The following PLB1 variants were observed in gnomAD, a reference collection of about 807,000 sequenced individuals.
PLB1 encodes phospholipase B1, membrane-associated.
A neutral mutation model predicts 227.4 loss-of-function variants in PLB1; 242 were observed. The observed-to-expected ratio is 1.06, with a 90% confidence interval of 0.96 to 1.18. The LOEUF (loss-of-function observed/expected upper bound fraction) is 1.18. Among genes scored for constraint, PLB1 ranks in the 50% most tolerant of loss-of-function variants. The pLI is 0.00. For missense variants in PLB1, 1,858 were observed against 1,816.3 expected (o/e 1.02, Z -0.42); for synonymous variants, 757 against 682.2 (o/e 1.11, Z -1.71).
At chr2:28,595,517 G>A (rs979826267) in intron 33 of PLB1, 5 of 152,152 alleles carry the variant, frequency 3.3e-5, no homozygotes, top group African/African-American at 7.2e-5. Flanking sequence ...GGGAATTCAT[G>A]TGTGTATTAG....
chr2:28,630,805 C>A, intron 54 of PLB1, 141 bp downstream of exon 54: 1 of 652,592 alleles, frequency 1.5e-6, no homozygotes, highest in Non-Finnish European at 2.6e-6. Flanking sequence ...AAATACTTAC[C>A]CCTGCAAATT....
chr2:28,618,479 T>C, intron 46 of PLB1, 80 bp downstream of exon 46: 1 of 1,436,736 alleles, frequency 7.0e-7, no homozygotes, highest in Non-Finnish European at 9.8e-7. Flanking sequence ...TCCCCAGCAT[T>C]GGCTCCGCTT....
At chr2:28,638,144 G>A (rs764730824) in intron 56 of PLB1, among the ~76,000 whole-genome samples, 2 of 151,766 alleles carry the variant, frequency 1.3e-5, no homozygotes, top group Non-Finnish European at 2.9e-5. Context: ...AGGATAGTAG[G>A]GAAAAGACAG....
At chr2:28,518,625 T>C in intron 3 of PLB1, 93 bp downstream of exon 3, 2 of 912,504 alleles carry the variant, frequency 2.2e-6, no homozygotes, top group Non-Finnish European at 3.5e-6. Context: ...TTGGACCTGT[T>C]GCCCCTTCAA....
intron 44 of PLB1, among the ~76,000 whole-genome samples, chr2:28,615,356 T>C (rs1018980584): frequency 1.1e-4 from 17 of 152,172 alleles, no homozygotes; most frequent in Non-Finnish European, 2.9e-5. Flanking sequence ...GCATTGGCGG[T>C]CTCAGGAGAG....
intron 20 of PLB1, among the ~76,000 whole-genome samples, chr2:28,568,297 C>T (rs1396403048): frequency 1.3e-5 from 2 of 152,198 alleles, no homozygotes; most frequent in East Asian, 1.9e-4. Flanking sequence ...CTTTACTTCC[C>T]ATGCTCGTAT....
At chr2:28,584,523 C>G (rs532726393) in intron 25 of PLB1, among the ~76,000 whole-genome samples, 20 of 152,354 alleles carry the variant, frequency 1.3e-4, no homozygotes, top group African/African-American at 4.8e-4. Context: ...CCTCTTGCTA[C>G]CCATCTTGGC....
At position 28,620,362 on chromosome 2, in the gene PLB1, G is replaced by A. The variant is rs778619691; in HGVS notation, c.3383+30G>A. ...GGATGTTCTTGATGCATGCTCTATT[G>A]ATGATGCTCTCTCAGAGAGGTGTGA... On this transcript the variant is annotated intron_variant, in intron 47 of 57. Transcript: ENST00000327757. 4.5e-6 allele frequency: 7 copies of A among 1,558,352 alleles called. No homozygotes were observed. The East Asian group carries it at 1.6e-4, about 35-fold the overall frequency.
At position 28,614,021 on chromosome 2, in the gene PLB1, T is replaced by A; in HGVS notation, c.3130-10T>A. The stretch of plus-strand genomic sequence containing the variant: ...CAGATAACTTCTCCATGTGTTTTTT[T>A]TTCTCTTAGAATGAGCCCTTCCTGA... On this transcript the variant is annotated splice_polypyrimidine_tract_variant and intron_variant, in intron 43 of 57. Transcript: ENST00000327757. 1 of 1,608,128 alleles carries A rather than the reference T, an allele frequency of 6.2e-7. No individual in the cohort carries two copies. Among genetic ancestry groups the A allele is most frequent in the Non-Finnish European group, 8.5e-7 (1 of 1,174,624 alleles).
chr2:28,581,065 A>T (rs1426710119), intron 23 of PLB1, among the ~76,000 whole-genome samples: 1 of 152,170 alleles, frequency 6.6e-6, no homozygotes, highest in Non-Finnish European at 1.5e-5. Flanking sequence ...TCCCCTGCTC[A>T]TGTTAAGTGA....
At position 28,541,658 on chromosome 2, in the gene PLB1, C is replaced by G. The variant is rs139934712; in HGVS notation, c.775-49C>G. ...GATTTGGTCAGGTCTGGGGCCGGCT[C>G]TGCCTCGCTCATGTTCCTGGATGGG... On this transcript the variant is annotated intron_variant, in intron 12 of 57. Coordinates refer to ENST00000327757, the MANE Select transcript of PLB1 (RefSeq NM_153021.5). The G allele has an allele frequency of 6.7e-5, 98 of 1,470,244 alleles. 1 individual carries two copies. The African/African-American group carries it at 1.2e-3, about 18-fold the overall frequency. 91.1% of individuals were successfully genotyped at this position (1,470,244 alleles called of 1,614,324 possible). A position where few individuals can be genotyped will look rare whatever the true frequency, so the allele number is the denominator to read the frequency against.
In PLB1 at chr2:28,496,069, C is replaced by T. The variant is rs956560690; in HGVS notation, c.-46C>T. 1 of 1,585,034 alleles carries T rather than the reference C, an allele frequency of 6.3e-7. No individual in the cohort carries two copies. On this transcript the variant is annotated 5_prime_UTR_variant, in exon 1 of 58. Transcript: ENST00000327757. Reference sequence around the variant, plus strand: ...GGAGGTGTGATAGCCCATCCATCTGCTGGAGCAGCTCTTCCAGAGGCCCGA... The same window carrying T: ...GGAGGTGTGATAGCCCATCCATCTGTTGGAGCAGCTCTTCCAGAGGCCCGA...
intron 25 of PLB1, among the ~76,000 whole-genome samples, chr2:28,584,771 C>T (rs1680628369): frequency 6.6e-6 from 1 of 152,194 alleles, no homozygotes; most frequent in Non-Finnish European, 1.5e-5. Context: ...ACCTCATCCC[C>T]CTGGACCAAA....
intron 21 of PLB1, 146 bp downstream of exon 21, chr2:28,573,451 T>C (rs1248167697): frequency 1.6e-6 from 1 of 642,494 alleles, no homozygotes; most frequent in Non-Finnish European, 2.8e-6. Flanking sequence ...AGAGCTCTCT[T>C]GGAGGTGTCA....
intron 46 of PLB1, 83 bp downstream of exon 46, chr2:28,618,482 C>A: frequency 7.0e-7 from 1 of 1,422,158 alleles, no homozygotes; most frequent in Non-Finnish European, 9.9e-7. Context: ...CCAGCATTGG[C>A]TCCGCTTTCA....
intron 10 of PLB1, among the ~76,000 whole-genome samples, chr2:28,538,734 G>A (rs1394555074): frequency 2.0e-5 from 3 of 152,164 alleles, no homozygotes; most frequent in Non-Finnish European, 4.4e-5. Context: ...CTGCTGCAGG[G>A]TCTGAGAATC....
chr2:28,582,473 G>GA lies in PLB1; in HGVS notation c.1707dup (p.Val570SerfsTer19), dbSNP rs1425500581. On this transcript the variant is annotated frameshift_variant, in exon 25 of 58. Coordinates refer to ENST00000327757, the MANE Select transcript of PLB1 (RefSeq NM_153021.5). LOFTEE classifies it high-confidence loss of function. Reference sequence around the variant, plus strand: ...TCAACCTGAGGGAGCTGTACCAGGAGAAAAAAGTCTACTGCCCAAGGATGA... The same window carrying GA: ...TCAACCTGAGGGAGCTGTACCAGGAGAAAAAAAGTCTACTGCCCAAGGATGA... 6.2e-7 allele frequency: 1 copy of GA among 1,611,906 alleles called. No homozygotes were observed. The highest frequency in any genetic ancestry group is 8.5e-7 in the Non-Finnish European group (1 of 1,179,002).
rs1008488623 is a variant in PLB1, at chr2:28,620,303, A to G, written c.3354A>G (p.Leu1118=). 1.1e-5 allele frequency: 17 copies of G among 1,605,656 alleles called. No homozygotes were observed. Among genetic ancestry groups the G allele is most frequent in the Admixed American group, 1.7e-5 (1 of 58,458 alleles). The stretch of plus-strand genomic sequence containing the variant: ...CTCGACCAAACAACTCCAGTGACCT[A>G]CCCACATCTTGGAGGGGACTCTCTT... ...VGARPNNSSD[L]PTSWRGLSWS... is the part of the protein sequence containing the mutation. The change falls in exon 47 of 58, where the codon CTA becomes CTG. Residue 1118 remains leucine (L), a synonymous_variant. Coordinates refer to ENST00000327757, the MANE Select transcript of PLB1 (RefSeq NM_153021.5).
At chr2:28,526,381 G>C (rs1670270950) in intron 6 of PLB1, among the ~76,000 whole-genome samples, 1 of 152,070 alleles carries the variant, frequency 6.6e-6, no homozygotes, top group Admixed American at 6.6e-5. Context: ...TATTGCCCTT[G>C]CTTGTAAAAT....
Sources: allele counts gnomAD v4.1 joint callset (sites outside exome capture counted in the v4.1 genomes callset), GRCh38; gene constraint gnomAD v4.1.1; transcripts MANE v1.5; gene names NCBI Gene and HGNC (gene_info 2026-07-23, HGNC 2026-07-21).